DNAH7: variants seen among roughly 807,000 people sequenced by gnomAD.
The protein encoded by DNAH7 is dynein axonemal heavy chain 7.
DNAH7 carries 397 observed loss-of-function variants against 444.6 expected under a neutral mutation model. The ratio of observed to expected loss-of-function variants is 0.89; its 90% CI spans 0.82 to 0.97. The LOEUF (loss-of-function observed/expected upper bound fraction) is 0.97. Ranked by LOEUF, DNAH7 falls within the 50% of genes least tolerant of loss-of-function variation. DNAH7 has a pLI of 0.00. For synonymous variants in DNAH7, 1,636 were observed against 1,624.4 expected (o/e 1.01, Z -0.17); for missense variants, 4,902 against 4,800.8 (o/e 1.02, Z -0.62).
chr2:196,032,862 G>A (rs76683621), intron 5 of DNAH7, among the ~76,000 whole-genome samples: 1,774 of 152,126 alleles, frequency 0.012, 20 homozygotes, highest in Middle Eastern at 0.02. Flanking sequence ...AAAAAATCCC[G>A]AACAAAATAC....
chr2:195,941,288 G>C (rs1030290710), intron 19 of DNAH7, among the ~76,000 whole-genome samples: 7 of 151,866 alleles, frequency 4.6e-5, no homozygotes, highest in Non-Finnish European at 7.4e-5. Context: ...ACCAAACACT[G>C]CATGTTCTCA....
At chr2:195,838,399 A>T (rs1378884628) in intron 47 of DNAH7, among the ~76,000 whole-genome samples, 1 of 152,090 alleles carries the variant, frequency 6.6e-6, no homozygotes. Context: ...TAAAGCAGAT[A>T]TTATAACCAT....
intron 58 of DNAH7, among the ~76,000 whole-genome samples, chr2:195,784,875 ATATT>A (rs1179229533): frequency 1.3e-5 from 2 of 149,124 alleles, no homozygotes; most frequent in Non-Finnish European, 3.0e-5. Context: ...CATATTGTAT[ATATT>A]TATTACTGAG....
rs902755475 is a variant in DNAH7, at chr2:195,737,813, T to A, written c.*108A>T. 2.2e-6 allele frequency: 2 copies of A among 921,402 alleles called. No homozygotes were observed. The allele number at this position is 921,402 out of a possible 1,614,324, so 57.1% of individuals were successfully genotyped here. On this transcript the variant is annotated 3_prime_UTR_variant, in exon 65 of 65. Transcript: ENST00000312428. ...ATAAGTAAATTCATAATTATAACTT[T>A]AGTCAAATGTATTTAAACAAACAAA...
In DNAH7 at chr2:195,948,724, G is replaced by A. The variant is rs554707061; in HGVS notation, c.3078+8537C>T. ...GTAGTATAGTTTGAAGTCAGGTAGC[G>A]TGATGCCTCTTGCTTTGTTCTTTTT... is the stretch of plus-strand genomic sequence containing the variant. On this transcript the variant is annotated intron_variant, in intron 19 of 64. Coordinates refer to ENST00000312428, the MANE Select transcript of DNAH7 (RefSeq NM_018897.3). Among the ~76,000 whole-genome samples, 1,091 of 152,266 alleles carry A rather than the reference G, an allele frequency of 7.2e-3. 7 individuals carry two copies. The highest frequency in any genetic ancestry group is 0.025 in the African/African-American group (1,019 of 41,548).
At chr2:195,871,703 A>AACTGGTTCAAAGTGACACCTACTTT (rs1574624989) in intron 40 of DNAH7, among the ~76,000 whole-genome samples, 4 of 132,186 alleles carry the variant, frequency 3.0e-5, no homozygotes, top group African/African-American at 1.2e-4. Flanking sequence ...ACTTAAGGGA[A>AACTGGTTCAAAGTGACACCTACTTT]GGCGGATCAC....
At chr2:196,036,895 G>C (rs1696429431) in intron 5 of DNAH7, among the ~76,000 whole-genome samples, 1 of 151,988 alleles carries the variant, frequency 6.6e-6, no homozygotes, top group South Asian at 2.1e-4. Context: ...GCCCATGCAT[G>C]CCACCCAGGA....
intron 10 of DNAH7, among the ~76,000 whole-genome samples, chr2:196,012,084 A>G (rs867274430): frequency 2.0e-5 from 3 of 152,212 alleles, no homozygotes; most frequent in Non-Finnish European, 4.4e-5. Flanking sequence ...ATCTCAAATT[A>G]TGAAGATATC....
chr2:196,024,670 C>T (rs1376301158), intron 7 of DNAH7, among the ~76,000 whole-genome samples, 166 bp from the exon 8 acceptor site: 2 of 151,310 alleles, frequency 1.3e-5, no homozygotes, highest in Non-Finnish European at 2.9e-5. Context: ...TTTTTAAAAC[C>T]TTACAAGAAA....
chr2:196,068,561 C>CA lies in DNAH7; in HGVS notation c.15+135dup. On this transcript the variant is annotated intron_variant, in intron 1 of 64. Transcript: ENST00000312428. The stretch of plus-strand genomic sequence containing the variant: ...GGAAAGCGCTCAGTAACCCAGGCCA[C>CA]AAGTGGGGTGAAGGAAGCTGTACAC... The CA allele has an allele frequency of 1.7e-6, 2 of 1,187,618 alleles. 1 individual carries two copies. The highest frequency in any genetic ancestry group is 3.1e-5 in the South Asian group (2 of 64,984). The allele number at this position is 1,187,618 out of a possible 1,614,324, so 73.6% of individuals were successfully genotyped here.
intron 1 of DNAH7, among the ~76,000 whole-genome samples, chr2:196,066,914 A>T (rs1180596707): frequency 6.6e-6 from 1 of 152,240 alleles, no homozygotes; most frequent in African/African-American, 2.4e-5. Flanking sequence ...GCTACACTCT[A>T]AATTAGCATA....
chr2:195,988,589 A>C (rs116230345), intron 12 of DNAH7, among the ~76,000 whole-genome samples: 4,480 of 152,242 alleles, frequency 0.029, 84 homozygotes, highest in Middle Eastern at 0.072. Context: ...TATGGAATAC[A>C]ATGTGATGCT....
At chr2:195,874,504 AG>A (rs1482937058) in intron 38 of DNAH7, among the ~76,000 whole-genome samples, 1 of 152,000 alleles carries the variant, frequency 6.6e-6, no homozygotes, top group Non-Finnish European at 1.5e-5. Flanking sequence ...GGCAGGGAAA[AG>A]TGGACATGTG....
intron 21 of DNAH7, among the ~76,000 whole-genome samples, chr2:195,933,847 A>T (rs7594022): frequency 3.3e-5 from 5 of 151,942 alleles, no homozygotes; most frequent in African/African-American, 9.7e-5. Flanking sequence ...CATGTATACA[A>T]ATGTAACAAA....
chr2:195,928,836 T>C (rs1181618980), intron 21 of DNAH7, among the ~76,000 whole-genome samples: 1 of 151,976 alleles, frequency 6.6e-6, no homozygotes, highest in African/African-American at 2.4e-5. Context: ...GTCTGACACA[T>C]TAATTTAAAT....
chr2:195,823,424 T>C (rs1323028881), intron 49 of DNAH7, among the ~76,000 whole-genome samples: 1 of 152,196 alleles, frequency 6.6e-6, no homozygotes, highest in Admixed American at 6.5e-5. Flanking sequence ...AGGGATCATG[T>C]TTATTCATCT....
At chr2:195,899,614 T>A (rs1686569574) in intron 28 of DNAH7, among the ~76,000 whole-genome samples, 1 of 152,214 alleles carries the variant, frequency 6.6e-6, no homozygotes, top group Non-Finnish European at 1.5e-5. Context: ...TTGTTCTTAA[T>A]CACATAGGAT....
At chr2:195,834,768 T>A (rs1698251765) in intron 47 of DNAH7, among the ~76,000 whole-genome samples, 2 of 152,216 alleles carry the variant, frequency 1.3e-5, no homozygotes, top group African/African-American at 4.8e-5. Flanking sequence ...TCACTTTGCT[T>A]CCTTAGTTCC....
intron 27 of DNAH7, chr2:195,903,451 T>A (rs2125276014): frequency 6.6e-6 from 1 of 152,274 alleles, no homozygotes; most frequent in African/African-American, 2.4e-5. Flanking sequence ...ATTGGCTTTG[T>A]GACATTAGGA....
Sources: gnomAD v4.1 joint callset for allele counts (sites outside exome capture counted in the v4.1 genomes callset) on GRCh38, gnomAD v4.1.1 for gene constraint, MANE v1.5 for transcripts, NCBI Gene and HGNC (gene_info 2026-07-23, HGNC 2026-07-21) for gene names.